TSG101: variants seen among roughly 807,000 people sequenced by gnomAD.
TSG101 encodes tumor susceptibility gene 101 protein.
Under a neutral mutation model 48.5 loss-of-function variants are expected in TSG101, and 19 were observed. That is an observed-to-expected ratio of 0.39 (90% CI 0.27 to 0.58). The LOEUF (loss-of-function observed/expected upper bound fraction) is 0.58, where lower values mean the gene tolerates loss of function less well. Ranked by LOEUF, TSG101 falls within the 20% of genes least tolerant of loss-of-function variation. The pLI is 0.55. For synonymous variants in TSG101, 174 were observed against 169.4 expected (o/e 1.03, Z -0.21); for missense variants, 365 against 484.4 (o/e 0.75, Z 2.31).
At chr11:18,523,745 G>A (rs1436856840) in intron 1 of TSG101, among the ~76,000 whole-genome samples, 8 of 152,090 alleles carry the variant, frequency 5.3e-5, no homozygotes, top group Admixed American at 3.9e-4. Flanking sequence ...CAAGTGATCC[G>A]CCCACCTCAG....
chr11:18,482,558 G>A (rs572359174), intron 8 of TSG101, among the ~76,000 whole-genome samples: 2 of 152,250 alleles, frequency 1.3e-5, no homozygotes, highest in South Asian at 2.1e-4. Flanking sequence ...CGTGAAATTG[G>A]CACTTCAATT....
intron 3 of TSG101, 64 bp downstream of exon 3, chr11:18,516,035 T>C: frequency 6.9e-7 from 1 of 1,448,792 alleles, no homozygotes; most frequent in South Asian, 1.2e-5. Context: ...GTTATAACTC[T>C]TTGGCAACAT....
intron 6 of TSG101, among the ~76,000 whole-genome samples, chr11:18,505,763 GACCCCATT>G (rs1849960556): frequency 6.6e-6 from 1 of 152,162 alleles, no homozygotes; most frequent in African/African-American, 2.4e-5. Context: ...CGACAAGTTT[GACCCCATT>G]ATCTGAACCA....
chr11:18,484,906 C>T (rs1020763718), intron 7 of TSG101, among the ~76,000 whole-genome samples: 29 of 147,010 alleles, frequency 2.0e-4, no homozygotes, highest in African/African-American at 6.0e-4. Context: ...TACGTGAGGA[C>T]GTTAAGTATA....
Position 18,502,479 on chromosome 11 carries a change from T to C in TSG101, c.640+7A>G. On this transcript the variant is annotated splice_region_variant and intron_variant, in intron 7 of 9. Coordinates refer to ENST00000251968, the MANE Select transcript of TSG101 (RefSeq NM_006292.4). ...ATGGTGAAACACAAGTTTTCAAGGG[T>C]ACTTACCAACAGTGGTCACAGGAGG... The C allele has an allele frequency of 8.1e-6, 13 of 1,610,238 alleles. No individual in the cohort carries two copies. The highest frequency in any genetic ancestry group is 1.1e-5 in the Non-Finnish European group (13 of 1,177,714).
intron 7 of TSG101, among the ~76,000 whole-genome samples, chr11:18,487,362 T>C (rs1849634608): frequency 6.6e-6 from 1 of 152,180 alleles, no homozygotes; most frequent in South Asian, 2.1e-4. Flanking sequence ...CTCCTGGACT[T>C]GCTTTGGTTT....
At chr11:18,521,557 C>T (rs189644428) in intron 1 of TSG101, among the ~76,000 whole-genome samples, 1 of 150,404 alleles carries the variant, frequency 6.6e-6, no homozygotes, top group Non-Finnish European at 1.5e-5. Flanking sequence ...TTCATAGAGA[C>T]AGGATCTCAC....
chr11:18,481,228 A>G, intron 9 of TSG101: 1 of 952,524 alleles, frequency 1.0e-6, no homozygotes, highest in Non-Finnish European at 1.3e-6. Flanking sequence ...TTGATGTGGG[A>G]AAACTGGTCT....
chr11:18,489,536 T>C (rs1295653167), intron 7 of TSG101, among the ~76,000 whole-genome samples: 1 of 152,248 alleles, frequency 6.6e-6, no homozygotes, highest in Non-Finnish European at 1.5e-5. Flanking sequence ...GGTAACAAAG[T>C]GAACACACTG....
chr11:18,501,973 A>ATAGGTGGGAGTAGT (rs1349203750), intron 7 of TSG101, among the ~76,000 whole-genome samples: 17 of 152,342 alleles, frequency 1.1e-4, no homozygotes, highest in African/African-American at 3.6e-4. Flanking sequence ...ATGGTGGTGC[A>ATAGGTGGGAGTAGT]GGTAGTGGGA....
intron 7 of TSG101, among the ~76,000 whole-genome samples, chr11:18,488,488 TGAGGGG>T (rs1565082903): frequency 6.6e-6 from 1 of 152,122 alleles, no homozygotes; most frequent in Non-Finnish European, 1.5e-5. Flanking sequence ...GGAGACCTGG[TGAGGGG>T]CACTAAAAAG....
intron 5 of TSG101, among the ~76,000 whole-genome samples, chr11:18,509,198 A>T (rs566475630): frequency 6.6e-6 from 1 of 152,374 alleles, no homozygotes; most frequent in South Asian, 2.1e-4. Context: ...GAGAAAGGAG[A>T]GGTCAGACTA....
At chr11:18,496,369 G>A (rs1056456528) in intron 7 of TSG101, among the ~76,000 whole-genome samples, 1 of 150,932 alleles carries the variant, frequency 6.6e-6, no homozygotes, top group Non-Finnish European at 1.5e-5. Context: ...TTGAACCCAG[G>A]AGGCAGAGAT....
At position 18,525,477 on chromosome 11, in the gene TSG101, C is replaced by T. The variant is rs565077435; in HGVS notation, c.42+1298G>A. On this transcript the variant is annotated intron_variant, in intron 1 of 9. Transcript: ENST00000251968. ...AGGAGAATCGCTTGAACCTGGGAGGCGGAGATTGCAGTGAGCCAAGATCGT... is the reference window on the plus strand; with the variant it reads ...AGGAGAATCGCTTGAACCTGGGAGGTGGAGATTGCAGTGAGCCAAGATCGT... 1.7e-4 allele frequency among the ~76,000 whole-genome samples: 23 copies of T among 137,706 alleles called. No homozygotes were observed. In the South Asian group the frequency reaches 1.9e-3, roughly 11 times the overall value. 90.3% of individuals were successfully genotyped at this position (137,706 alleles called of 152,430 possible). A position where few individuals can be genotyped will look rare whatever the true frequency, so the allele number is the denominator to read the frequency against.
At chr11:18,495,289 A>T (rs1386964275) in intron 7 of TSG101, among the ~76,000 whole-genome samples, 1 of 152,200 alleles carries the variant, frequency 6.6e-6, no homozygotes, top group Non-Finnish European at 1.5e-5. Context: ...CTATTATTAA[A>T]CTGCAACTAC....
rs190451355 is a variant in TSG101, at chr11:18,492,358, A to C, written c.641-8286T>G. On this transcript the variant is annotated intron_variant, in intron 7 of 9. Transcript: ENST00000251968. ...TTATCAGAACTAATGAAAACTTAAG[A>C]GTCTTTTTATAGTTAGTGAATTTTT... is the stretch of plus-strand genomic sequence containing the variant. Among the ~76,000 whole-genome samples, 588 of 152,340 alleles carry C rather than the reference A, an allele frequency of 3.9e-3. 1 individual carries two copies. Among genetic ancestry groups the C allele is most frequent in the Non-Finnish European group, 6.2e-3 (425 of 68,030 alleles).
intron 5 of TSG101, 129 bp downstream of exon 5, chr11:18,509,413 C>A: frequency 7.7e-7 from 1 of 1,303,370 alleles, no homozygotes; most frequent in South Asian, 1.8e-5. Context: ...CCTCAGAATA[C>A]TTCCAAAAAA....
intron 7 of TSG101, among the ~76,000 whole-genome samples, chr11:18,484,743 T>C (rs1247556582): frequency 6.6e-6 from 1 of 152,214 alleles, no homozygotes; most frequent in Non-Finnish European, 1.5e-5. Context: ...TCAGATCAAA[T>C]AAACATCCTC....
chr11:18,502,305 C>T (rs568361541), intron 7 of TSG101, among the ~76,000 whole-genome samples, 181 bp downstream of exon 7: 2 of 152,256 alleles, frequency 1.3e-5, no homozygotes, highest in East Asian at 1.9e-4. Context: ...TTTTCATGCC[C>T]TGGTAGAAGG....
Sources: allele counts gnomAD v4.1 joint callset (sites outside exome capture counted in the v4.1 genomes callset), GRCh38; gene constraint gnomAD v4.1.1; transcripts MANE v1.5; gene names NCBI Gene and HGNC (gene_info 2026-07-23, HGNC 2026-07-21).